SLC10A7: variants seen among roughly 807,000 people sequenced by gnomAD.
The protein encoded by SLC10A7 is solute carrier family 10 member 7, also known as sodium/bile acid cotransporter 7.
In SLC10A7, 29 loss-of-function variants were observed where a neutral mutation model predicts 43.2. The observed-to-expected ratio is 0.67, with a 90% CI of 0.50 to 0.92. The LOEUF (loss-of-function observed/expected upper bound fraction) is 0.92, where lower values mean the gene tolerates loss of function less well. SLC10A7 is among the 40% of genes least tolerant of loss of function. SLC10A7 has a pLI of 0.00. For missense variants in SLC10A7, 295 were observed against 403.2 expected (o/e 0.73, Z 2.30); for synonymous variants, 152 against 144.8 (o/e 1.05, Z -0.35).
At position 146,521,780 on chromosome 4, in the gene SLC10A7, A is replaced by C. The variant is rs1738714227; in HGVS notation, c.-63T>G. ...CTTTTTTTCTTTTCAAGCTCCGATC[A>C]CCTAATCCTTGGAGCGTCTCCACAC... On this transcript the variant is annotated 5_prime_UTR_variant, in exon 1 of 12. Transcript: ENST00000335472. 2.2e-6 allele frequency: 3 copies of C among 1,355,492 alleles called. No individual in the cohort carries two copies. The highest frequency in any genetic ancestry group is 3.2e-6 in the Non-Finnish European group (3 of 947,548). The allele number at this position is 1,355,492 out of a possible 1,614,324, so 84.0% of individuals were successfully genotyped here.
intron 1 of SLC10A7, 69 bp downstream of exon 1, chr4:146,521,549 C>A (rs921028328): frequency 3.9e-5 from 53 of 1,367,676 alleles, no homozygotes; most frequent in Non-Finnish European, 5.3e-5. Flanking sequence ...GTTGCCCCAC[C>A]TTTCCAAGAC....
intron 4 of SLC10A7, among the ~76,000 whole-genome samples, chr4:146,496,024 T>A (rs1411378266): frequency 6.6e-6 from 1 of 152,190 alleles, no homozygotes; most frequent in Non-Finnish European, 1.5e-5. Context: ...ATGCTGCAAG[T>A]AGCAAACACA....
At chr4:146,443,126 T>C (rs1730739019) in intron 4 of SLC10A7, among the ~76,000 whole-genome samples, 1 of 152,338 alleles carries the variant, frequency 6.6e-6, no homozygotes, top group East Asian at 1.9e-4. Flanking sequence ...CATGTTGCTA[T>C]TGATTTTCCT....
intron 4 of SLC10A7, among the ~76,000 whole-genome samples, chr4:146,478,942 A>G (rs552222171): frequency 1.8e-4 from 27 of 152,326 alleles, no homozygotes; most frequent in African/African-American, 6.3e-4. Flanking sequence ...TCTAAGTATC[A>G]TTTTAGGCAT....
rs1167681976 is a variant in SLC10A7, at chr4:146,255,866, G to C, written c.*625C>G. ...ACATTCAGACCCTTTCTTTGAAGCA[G>C]CTTATAATAAATTTAAGACATATAA... On this transcript the variant is annotated 3_prime_UTR_variant, in exon 12 of 12. Transcript: ENST00000335472. 2.0e-5 allele frequency: 3 copies of C among 152,194 alleles called. No individual in the cohort carries two copies. Among genetic ancestry groups the C allele is most frequent in the African/African-American group, 7.2e-5 (3 of 41,438 alleles). 9.4% of individuals were successfully genotyped at this position (152,194 alleles called of 1,614,324 possible). A position where few individuals can be genotyped will look rare whatever the true frequency, so the allele number is the denominator to read the frequency against.
chr4:146,260,494 C>T (rs1728154864), intron 10 of SLC10A7, among the ~76,000 whole-genome samples: 1 of 152,198 alleles, frequency 6.6e-6, no homozygotes, highest in Non-Finnish European at 1.5e-5. Flanking sequence ...GGCTAAACCA[C>T]CTATGTTGTC....
intron 6 of SLC10A7, among the ~76,000 whole-genome samples, chr4:146,310,511 C>T (rs1731897119): frequency 1.3e-5 from 2 of 152,082 alleles, no homozygotes; most frequent in South Asian, 4.1e-4. Flanking sequence ...CTAATAGTAG[C>T]CATTCTGACT....
At chr4:146,488,326 G>A (rs1735091054) in intron 4 of SLC10A7, among the ~76,000 whole-genome samples, 1 of 152,036 alleles carries the variant, frequency 6.6e-6, no homozygotes. Context: ...ACTGAAACTT[G>A]CATGGAGAAA....
At chr4:146,272,854 C>T (rs771113587) in intron 10 of SLC10A7, among the ~76,000 whole-genome samples, 24 of 152,066 alleles carry the variant, frequency 1.6e-4, no homozygotes, top group Non-Finnish European at 2.6e-4. Flanking sequence ...CAACTGACAG[C>T]GAGTGCACAG....
At chr4:146,395,557 TA>T (rs1738763368) in intron 5 of SLC10A7, among the ~76,000 whole-genome samples, 1 of 152,220 alleles carries the variant, frequency 6.6e-6, no homozygotes, top group Non-Finnish European at 1.5e-5. Context: ...TTGGTGCACC[TA>T]ATAGATAGAA....
intron 6 of SLC10A7, among the ~76,000 whole-genome samples, chr4:146,315,849 G>A (rs75256560): frequency 6.6e-6 from 1 of 152,210 alleles, no homozygotes; most frequent in African/African-American, 2.4e-5. Flanking sequence ...AAGGTAAGAT[G>A]TTATGAGTCA....
chr4:146,415,532 G>A (rs1377525755), intron 5 of SLC10A7, among the ~76,000 whole-genome samples: 2 of 152,106 alleles, frequency 1.3e-5, no homozygotes, highest in Non-Finnish European at 2.9e-5. Context: ...ACAATAAAGG[G>A]ATACAAACAC....
At chr4:146,387,479 C>T (rs549244223) in intron 5 of SLC10A7, among the ~76,000 whole-genome samples, 191 of 152,268 alleles carry the variant, frequency 1.3e-3, no homozygotes, top group African/African-American at 4.4e-3. Context: ...GAGCCAACAT[C>T]ATATGCATCA....
intron 6 of SLC10A7, among the ~76,000 whole-genome samples, chr4:146,322,361 C>A (rs1039296301): frequency 1.2e-5 from 1 of 84,286 alleles, no homozygotes; most frequent in Non-Finnish European, 2.2e-5. Context: ...CTAATGCTAT[C>A]CCTCCCCCCT....
chr4:146,381,085 G>C (rs1197011113), intron 5 of SLC10A7, among the ~76,000 whole-genome samples: 1 of 152,038 alleles, frequency 6.6e-6, no homozygotes, highest in Non-Finnish European at 1.5e-5. Flanking sequence ...ATACAATTTG[G>C]GGGGCTCTTG....
chr4:146,276,808 G>A (rs577349216), intron 10 of SLC10A7, among the ~76,000 whole-genome samples: 1 of 152,210 alleles, frequency 6.6e-6, no homozygotes, highest in African/African-American at 2.4e-5. Flanking sequence ...TTAAAAATTA[G>A]CCAGGCATGG....
In SLC10A7 at chr4:146,515,274, A is replaced by C. The variant is rs965636825; in HGVS notation, c.183+1764T>G. The C allele has an allele frequency of 4.1e-5, 27 of 661,682 alleles. No individual in the cohort carries two copies. The African/African-American group carries it at 4.5e-4, about 11-fold the overall frequency. The allele number at this position is 661,682 out of a possible 1,614,324, so 41.0% of individuals were successfully genotyped here. A position where few individuals can be genotyped will look rare whatever the true frequency, so the allele number is the denominator to read the frequency against. On this transcript the variant is annotated intron_variant, in intron 2 of 11. Transcript: ENST00000335472. ...CCCAAGTAAAGGACTTGGGTTAGAA[A>C]GCAGTTCCATAAAGAGCATTAGCCA...
chr4:146,474,290 C>T (rs188475051), intron 4 of SLC10A7, among the ~76,000 whole-genome samples: 41 of 152,188 alleles, frequency 2.7e-4, no homozygotes, highest in African/African-American at 9.4e-4. Context: ...TGTTAAACAA[C>T]AAAATTATAC....
intron 9 of SLC10A7, among the ~76,000 whole-genome samples, chr4:146,289,025 A>C (rs1237624658): frequency 2.0e-5 from 3 of 152,170 alleles, no homozygotes; most frequent in Admixed American, 1.3e-4. Context: ...AGGTCCTTTG[A>C]GATACTTCTG....
Sources: gnomAD v4.1 joint callset for allele counts (sites outside exome capture counted in the v4.1 genomes callset) on GRCh38, gnomAD v4.1.1 for gene constraint, MANE v1.5 for transcripts, NCBI Gene and HGNC (gene_info 2026-07-23, HGNC 2026-07-21) for gene names.